The following VRK2 variants were observed in gnomAD, a reference collection of about 807,000 sequenced individuals.
VRK2 encodes VRK serine/threonine kinase 2.
VRK2 carries 60 observed loss-of-function variants against 57.6 expected under a neutral mutation model. The observed-to-expected ratio is 1.04, with a 90% CI of 0.85 to 1.29. The LOEUF is 1.29. VRK2 is among the 50% of genes most tolerant of loss of function. The probability of loss-of-function intolerance (pLI) is 0.00; values close to 1 mark genes in which losing one functional copy is unlikely to be tolerated. For missense variants in VRK2, 705 were observed against 588.1 expected, an observed-to-expected ratio of 1.20 and a Z score of -2.06; for synonymous variants, 231 against 199.2, an observed-to-expected ratio of 1.16 and a Z score of -1.35.
chr2:58,087,823 C>G (rs1351950725), intron 5 of VRK2, among the ~76,000 whole-genome samples: 4 of 152,096 alleles, frequency 2.6e-5, no homozygotes, highest in African/African-American at 7.2e-5. Flanking sequence ...CCCGTCTCTA[C>G]TAAAAATACA....
chr2:58,049,019 G>T (rs759935171), intron 2 of VRK2, 52 bp downstream of exon 2: 3 of 1,571,928 alleles, frequency 1.9e-6, no homozygotes, highest in Admixed American at 1.9e-5. Context: ...GACTGTAACC[G>T]TGATTACTTA....
rs747996761 is a variant in VRK2, at chr2:58,159,526, A to C, written c.1360A>C (p.Thr454Pro). The change falls in exon 13 of 13, where the codon ACT (threonine) becomes CCT (proline). Residue 454 changes from threonine to proline, a missense_variant. Coordinates refer to ENST00000340157, the MANE Select transcript of VRK2 (RefSeq NM_006296.7). Reference sequence around the variant, plus strand: ...AAGATCTCCATCTTGGTATAAATACACTTCCACAGTCAGCACGGGGATCAC... The same window carrying C: ...AAGATCTCCATCTTGGTATAAATACCCTTCCACAGTCAGCACGGGGATCAC... ...KSRSPSWYKYTSTVSTGITDL... is the reference protein window; with the variant it reads ...KSRSPSWYKYPSTVSTGITDL... 6.2e-7 allele frequency: 1 copy of C among 1,613,816 alleles called. No individual in the cohort carries two copies. The highest frequency in any genetic ancestry group is 1.1e-5 in the South Asian group (1 of 91,072).
At chr2:58,073,858 T>C (rs1669698428) in intron 2 of VRK2, among the ~76,000 whole-genome samples, 1 of 151,882 alleles carries the variant, frequency 6.6e-6, no homozygotes, top group Non-Finnish European at 1.5e-5. Flanking sequence ...GCTGGGAGGC[T>C]AAGACAGTCT....
intron 1 of VRK2, among the ~76,000 whole-genome samples, chr2:57,946,144 C>G (rs1329534474): frequency 6.6e-6 from 1 of 151,974 alleles, no homozygotes; most frequent in Non-Finnish European, 1.5e-5. Flanking sequence ...GTCTTAAAGT[C>G]TAGATATAGT....
At chr2:57,952,161 G>T (rs888781347) in intron 1 of VRK2, among the ~76,000 whole-genome samples, 7 of 151,816 alleles carry the variant, frequency 4.6e-5, no homozygotes, top group African/African-American at 1.7e-4. Flanking sequence ...TAATTCTATT[G>T]CACACTTAAT....
intron 1 of VRK2, among the ~76,000 whole-genome samples, chr2:58,003,400 C>A (rs187600263): frequency 1.3e-5 from 2 of 151,778 alleles, no homozygotes; most frequent in African/African-American, 4.8e-5. Context: ...TTAGCACCAC[C>A]GGGAAAATTA....
At chr2:58,125,173 C>G (rs1678138209) in intron 8 of VRK2, among the ~76,000 whole-genome samples, 1 of 152,016 alleles carries the variant, frequency 6.6e-6, no homozygotes, top group South Asian at 2.1e-4. Context: ...CAACTGGTAG[C>G]TCTAAACTGC....
At chr2:57,998,195 T>C (rs1434621408) in intron 1 of VRK2, among the ~76,000 whole-genome samples, 1 of 152,200 alleles carries the variant, frequency 6.6e-6, no homozygotes, top group Non-Finnish European at 1.5e-5. Flanking sequence ...CCTGTTTTAA[T>C]TGTTACTATA....
intron 8 of VRK2, 70 bp downstream of exon 8, chr2:58,123,303 C>G: frequency 6.5e-7 from 1 of 1,535,168 alleles, no homozygotes; most frequent in Non-Finnish European, 8.7e-7. Context: ...AATGAGGCTG[C>G]ATGAAATGAC....
In VRK2 at chr2:58,152,035, A is replaced by C. The variant is rs145721926; in HGVS notation, c.1182+5561A>C. Among the ~76,000 whole-genome samples, 751 of 151,796 alleles carry C rather than the reference A, an allele frequency of 4.9e-3. 9 individuals are homozygous for C. Among genetic ancestry groups the C allele is most frequent in the African/African-American group, 0.017 (698 of 41,494 alleles). On this transcript the variant is annotated intron_variant, in intron 12 of 12. Transcript: ENST00000340157. ...CACAATCCTGCCTAACAGAAATATAATGCAAGCCACATATGCAATTTAAAA... is the reference window on the plus strand; with the variant it reads ...CACAATCCTGCCTAACAGAAATATACTGCAAGCCACATATGCAATTTAAAA...
At chr2:58,137,424 C>T (rs180947452) in intron 10 of VRK2, among the ~76,000 whole-genome samples, 9 of 151,688 alleles carry the variant, frequency 5.9e-5, no homozygotes, top group African/African-American at 2.2e-4. Flanking sequence ...AGATTTGAGT[C>T]AGATGAGTAA....
intron 1 of VRK2, among the ~76,000 whole-genome samples, chr2:57,936,960 C>T (rs1670932637): frequency 6.6e-6 from 1 of 152,186 alleles, no homozygotes. Flanking sequence ...TACCTGATCA[C>T]AGTTTAAAAC....
At chr2:58,055,578 A>C (rs993942034) in intron 2 of VRK2, among the ~76,000 whole-genome samples, 4 of 152,186 alleles carry the variant, frequency 2.6e-5, no homozygotes, top group African/African-American at 7.2e-5. Flanking sequence ...AGCAGCATGC[A>C]TTCAGTGGAG....
intron 2 of VRK2, among the ~76,000 whole-genome samples, chr2:58,053,039 G>A (rs1337144628): frequency 6.6e-6 from 1 of 152,194 alleles, no homozygotes; most frequent in Non-Finnish European, 1.5e-5. Context: ...GCACAGAATA[G>A]ATGTTCAACA....
At position 58,048,862 on chromosome 2, in the gene VRK2, CTTCCTA is replaced by C; in HGVS notation, c.36_41del (p.Ile13_Pro14del). ...ACCAAAAAGAAATGAAAAATACAAA[CTTCCTA>C]TTCCATTTCCAGAAGGCAAGGTTCT... On this transcript the variant is annotated inframe_deletion, in exon 2 of 13. Coordinates refer to ENST00000340157, the MANE Select transcript of VRK2 (RefSeq NM_006296.7). 1 of 1,613,924 alleles carries C rather than the reference CTTCCTA, an allele frequency of 6.2e-7. No individual in the cohort carries two copies. Among genetic ancestry groups the C allele is most frequent in the South Asian group, 1.1e-5 (1 of 91,070 alleles).
intron 1 of VRK2, among the ~76,000 whole-genome samples, chr2:58,000,245 C>T (rs1673050538): frequency 6.6e-6 from 1 of 152,200 alleles, no homozygotes; most frequent in Non-Finnish European, 1.5e-5. Flanking sequence ...AGGCCACTTA[C>T]AGAAACTAAT....
intron 1 of VRK2, among the ~76,000 whole-genome samples, chr2:57,917,129 A>C (rs939266510): frequency 2.6e-5 from 4 of 152,182 alleles, no homozygotes; most frequent in African/African-American, 7.2e-5. Flanking sequence ...TTATGCCTTA[A>C]TGTTGATTAA....
intron 2 of VRK2, among the ~76,000 whole-genome samples, chr2:58,065,584 A>G (rs1159833382): frequency 2.6e-5 from 4 of 152,152 alleles, no homozygotes; most frequent in African/African-American, 7.2e-5. Context: ...TAGCTATTTT[A>G]ATTCCTTTGC....
In VRK2 at chr2:58,159,662, TGTTA is replaced by T. The variant is rs754336239; in HGVS notation, c.1499_1502del (p.Leu500TyrfsTer43). On this transcript the variant is annotated frameshift_variant, in exon 13 of 13. Coordinates refer to ENST00000340157, the MANE Select transcript of VRK2 (RefSeq NM_006296.7). LOFTEE classifies it high-confidence loss of function. Reference sequence around the variant, plus strand: ...CGCATCATCATACCTGTCCTTTTGATGTTAGTATTTCTTGCTTTATTTTTTCTCT... The same window carrying T: ...CGCATCATCATACCTGTCCTTTTGATGTATTTCTTGCTTTATTTTTTCTCT... 3.1e-6 allele frequency: 5 copies of T among 1,613,204 alleles called. No homozygotes were observed. The highest frequency in any genetic ancestry group is 1.3e-5 in the African/African-American group (1 of 74,872).
Sources: allele counts gnomAD v4.1 joint callset (sites outside exome capture counted in the v4.1 genomes callset), GRCh38; gene constraint gnomAD v4.1.1; transcripts MANE v1.5; gene names NCBI Gene and HGNC (gene_info 2026-07-23, HGNC 2026-07-21).